RHOU: variants seen among roughly 807,000 people sequenced by gnomAD.
RHOU encodes ras homolog family member U.
RHOU carries 8 observed loss-of-function variants against 12.6 expected under a neutral mutation model. The ratio of observed to expected loss-of-function variants is 0.64; its 90% CI spans 0.37 to 1.15. The LOEUF (loss-of-function observed/expected upper bound fraction) is 1.15, where lower values mean the gene tolerates loss of function less well. Ranked by LOEUF, RHOU falls within the 50% of genes most tolerant of loss-of-function variation. The pLI is 0.01. For synonymous variants in RHOU, 161 were observed against 147.4 expected (o/e 1.09, Z -0.67); for missense variants, 258 against 347.0 (o/e 0.74, Z 2.04).
the RHOU span, among the ~76,000 whole-genome samples, chr1:228,659,670 T>C: frequency 6.6e-6 from 1 of 151,714 alleles, no homozygotes; most frequent in African/African-American, 2.4e-5. Flanking sequence ...TTGGGGACAT[T>C]ACTATCTGAT....
chr1:228,726,046 T>C, the RHOU span, among the ~76,000 whole-genome samples: 1 of 152,226 alleles, frequency 6.6e-6, no homozygotes, highest in Admixed American at 6.5e-5. Flanking sequence ...TTTTAAAAAC[T>C]TCCAAATTAT....
At chr1:228,733,642 C>T (rs895444486), upstream of RHOU, among the ~76,000 whole-genome samples, 12 of 152,236 alleles carry the variant, frequency 7.9e-5, no homozygotes, top group Non-Finnish European at 2.9e-5. Flanking sequence ...AATTGCCAGA[C>T]TAGCTTCCAG....
the RHOU span, among the ~76,000 whole-genome samples, chr1:228,651,708 A>G: frequency 6.6e-6 from 1 of 152,236 alleles, no homozygotes; most frequent in Non-Finnish European, 1.5e-5. Context: ...CTGCAGCAAC[A>G]TGGGAGAAAG....
the RHOU span, among the ~76,000 whole-genome samples, chr1:228,678,696 G>A: frequency 6.6e-6 from 1 of 152,154 alleles, no homozygotes; most frequent in Non-Finnish European, 1.5e-5. Context: ...CCTTTTGCAA[G>A]AGTGAGGGCT....
chr1:228,674,626 A>C, the RHOU span, among the ~76,000 whole-genome samples: 1 of 150,546 alleles, frequency 6.6e-6, no homozygotes, highest in Non-Finnish European at 1.5e-5. Flanking sequence ...GATTACAGGC[A>C]TGAGCCACCG....
chr1:228,666,496 C>T, the RHOU span, among the ~76,000 whole-genome samples: 7 of 152,140 alleles, frequency 4.6e-5, no homozygotes, highest in Non-Finnish European at 7.4e-5. Context: ...CTATAGTCAT[C>T]CTACAGTGAT....
chr1:228,652,599 C>G, the RHOU span: 1 of 152,226 alleles, frequency 6.6e-6, no homozygotes, highest in African/African-American at 2.4e-5. Context: ...TAAACATTTC[C>G]AGAACTTTCT....
chr1:228,688,637 G>A, the RHOU span, among the ~76,000 whole-genome samples: 1 of 152,172 alleles, frequency 6.6e-6, no homozygotes, highest in Non-Finnish European at 1.5e-5. Flanking sequence ...TCATGAATTA[G>A]TTCTGCTGAG....
the RHOU span, among the ~76,000 whole-genome samples, chr1:228,675,717 A>T: frequency 7.2e-5 from 11 of 152,382 alleles, no homozygotes; most frequent in East Asian, 1.9e-3. Flanking sequence ...TGGATTTCAT[A>T]TATGAAAACT....
At chr1:228,678,735 G>T in the RHOU span, among the ~76,000 whole-genome samples, 4 of 152,166 alleles carry the variant, frequency 2.6e-5, no homozygotes, top group African/African-American at 9.7e-5. Flanking sequence ...TTGGCTTGCT[G>T]AGAGGTAGTG....
the RHOU span, among the ~76,000 whole-genome samples, chr1:228,697,627 C>G: frequency 1.1e-4 from 17 of 152,304 alleles, 1 homozygote; most frequent in Middle Eastern, 3.4e-3. Context: ...ATCCCCTTCT[C>G]TAAGATGCTG....
the RHOU span, among the ~76,000 whole-genome samples, chr1:228,669,579 G>T: frequency 6.6e-6 from 1 of 152,162 alleles, no homozygotes; most frequent in Non-Finnish European, 1.5e-5. Context: ...CATGTCGCTG[G>T]TTAAGAACTT....
chr1:228,702,620 C>G, the RHOU span, among the ~76,000 whole-genome samples: 1 of 152,146 alleles, frequency 6.6e-6, no homozygotes, highest in Non-Finnish European at 1.5e-5. Context: ...ATAACAGAAG[C>G]AGAAGTTTTA....
chr1:228,677,204 G>T, the RHOU span, among the ~76,000 whole-genome samples: 1 of 152,108 alleles, frequency 6.6e-6, no homozygotes, highest in African/African-American at 2.4e-5. Context: ...TTGTTAGAAG[G>T]AGCATTTGTA....
At chr1:228,676,865 G>T in the RHOU span, among the ~76,000 whole-genome samples, 1 of 152,044 alleles carries the variant, frequency 6.6e-6, no homozygotes, top group Non-Finnish European at 1.5e-5. Context: ...AATCATAATG[G>T]TGGAATGTTA....
the RHOU span, among the ~76,000 whole-genome samples, chr1:228,646,525 C>T: frequency 4.5e-5 from 5 of 112,078 alleles, no homozygotes; most frequent in Admixed American, 4.8e-4. Context: ...GGCCCAGCCG[C>T]GCGGGGCCTT....
At chr1:228,702,315 T>C in the RHOU span, among the ~76,000 whole-genome samples, 3 of 152,280 alleles carry the variant, frequency 2.0e-5, no homozygotes, top group Non-Finnish European at 2.9e-5. Flanking sequence ...AGGATGGCTA[T>C]AAGGGGAGGT....
At chr1:228,682,841 G>C in the RHOU span, among the ~76,000 whole-genome samples, 1 of 152,140 alleles carries the variant, frequency 6.6e-6, no homozygotes, top group Non-Finnish European at 1.5e-5. Context: ...TATGGGAAGG[G>C]AGTTGGATGT....
chr1:228,739,294 G>A (rs984799298), intron 2 of RHOU, among the ~76,000 whole-genome samples: 9 of 152,144 alleles, frequency 5.9e-5, no homozygotes, highest in South Asian at 2.1e-4. Context: ...AGCCAGGCGC[G>A]GTTGCTCACG....
Sources: gnomAD v4.1 joint callset for allele counts (sites outside exome capture counted in the v4.1 genomes callset) on GRCh38, gnomAD v4.1.1 for gene constraint, MANE v1.5 for transcripts, NCBI Gene and HGNC (gene_info 2026-07-23, HGNC 2026-07-21) for gene names.